PAX8: variants seen among roughly 807,000 people sequenced by gnomAD.
The protein encoded by PAX8 is paired box 8.
Under a neutral mutation model 52.4 loss-of-function variants are expected in PAX8, and 15 were observed. The ratio of observed to expected loss-of-function variants is 0.29; its 90% CI spans 0.19 to 0.44. PAX8 has a LOEUF of 0.44. Among genes scored for constraint, PAX8 ranks in the 20% least tolerant of loss-of-function variants. PAX8 has a pLI of 1.00. For missense variants in PAX8, 554 were observed against 602.5 expected (o/e 0.92, Z 0.84); for synonymous variants, 284 against 249.7 (o/e 1.14, Z -1.29).
At chr2:113,275,740 GTTT>G (rs1371090791) in intron 2 of PAX8, 1 of 152,160 alleles carries the variant, frequency 6.6e-6, no homozygotes, top group Non-Finnish European at 1.5e-5. Flanking sequence ...TTTTAAAAAT[GTTT>G]TTGCTTTAGA....
intron 2 of PAX8, among the ~76,000 whole-genome samples, chr2:113,252,876 C>A (rs1691892674): frequency 6.6e-6 from 1 of 152,202 alleles, no homozygotes; most frequent in Non-Finnish European, 1.5e-5. Flanking sequence ...CACCCCCTGA[C>A]CTCAAAATAC....
chr2:113,237,606 C>A (rs1690471408), intron 7 of PAX8: 1 of 152,186 alleles, frequency 6.6e-6, no homozygotes, highest in Admixed American at 6.5e-5. Flanking sequence ...ATTTTAGATG[C>A]CTCCTGGCCT....
At chr2:113,259,214 AT>A (rs1692484366) in intron 2 of PAX8, 1 of 152,734 alleles carries the variant, frequency 6.5e-6, no homozygotes, top group African/African-American at 2.4e-5. Flanking sequence ...TCCCTCTGAG[AT>A]TGGGCACCAT....
rs531419791 is a variant in PAX8, at chr2:113,278,891, G to A, written c.-136C>T. 9.5e-7 allele frequency: 1 copy of A among 1,053,942 alleles called. No individual in the cohort carries two copies. 65.3% of individuals were successfully genotyped at this position (1,053,942 alleles called of 1,614,324 possible). A position where few individuals can be genotyped will look rare whatever the true frequency, so the allele number is the denominator to read the frequency against. On this transcript the variant is annotated 5_prime_UTR_variant, in exon 1 of 12. Transcript: ENST00000429538. ...CCGCCCGCGAGGGTGCCCTGGGCCC[G>A]GTGTCTCTCCTCCTTCTGAAGTTTG...
chr2:113,258,589 A>G (rs1692433215), intron 2 of PAX8, among the ~76,000 whole-genome samples: 1 of 151,964 alleles, frequency 6.6e-6, no homozygotes, highest in African/African-American at 2.4e-5. Context: ...CAGGTTCTTT[A>G]TCCCATCTTC....
At chr2:113,277,447 G>T (rs563964752) in intron 2 of PAX8, among the ~76,000 whole-genome samples, 2 of 152,348 alleles carry the variant, frequency 1.3e-5, no homozygotes, top group East Asian at 3.9e-4. Flanking sequence ...TATTCGCGGA[G>T]AATTCATTCT....
chr2:113,226,939 A>C, intron 10 of PAX8: 1 of 1,462,002 alleles, frequency 6.8e-7, no homozygotes, highest in Non-Finnish European at 9.1e-7. Context: ...GCCTGGGAAG[A>C]AGGAGGCCGA....
chr2:113,238,713 G>A (rs1469693920), intron 7 of PAX8: 1 of 152,168 alleles, frequency 6.6e-6, no homozygotes, highest in African/African-American at 2.4e-5. Flanking sequence ...CTACTTGACT[G>A]CTCTGAACCT....
chr2:113,247,087 C>A (rs1427292259), intron 2 of PAX8, among the ~76,000 whole-genome samples, 168 bp from the exon 3 acceptor site: 2 of 152,238 alleles, frequency 1.3e-5, no homozygotes, highest in African/African-American at 4.8e-5. Context: ...AGTTCTCACT[C>A]CCAAGATGCT....
chr2:113,241,996 C>A lies in PAX8; in HGVS notation c.601+12G>T. On this transcript the variant is annotated intron_variant, in intron 6 of 11. Coordinates refer to ENST00000429538, the MANE Select transcript of PAX8 (RefSeq NM_003466.4). ...CGTGCACCGCCCGCTGCCCTCCTGT[C>A]CCAGCACTCACTGTCATCCATTTTC... 1 of 1,613,270 alleles carries A rather than the reference C, an allele frequency of 6.2e-7. No individual in the cohort carries two copies.
intron 2 of PAX8, chr2:113,269,212 C>T (rs984601301): frequency 3.9e-5 from 6 of 152,264 alleles, no homozygotes; most frequent in African/African-American, 1.4e-4. Context: ...AGCCCTGCCA[C>T]ATTTTGCCAC....
At chr2:113,254,039 A>C (rs1008382786) in intron 2 of PAX8, among the ~76,000 whole-genome samples, 6 of 152,224 alleles carry the variant, frequency 3.9e-5, no homozygotes, top group African/African-American at 1.2e-4. Flanking sequence ...GTGTTCAGTA[A>C]ACATGTCACA....
At chr2:113,237,401 T>A (rs1380054221) in intron 7 of PAX8, 1 of 152,194 alleles carries the variant, frequency 6.6e-6, no homozygotes, top group Non-Finnish European at 1.5e-5. Flanking sequence ...CAATTTTGTA[T>A]AGTGAAACAG....
chr2:113,269,980 GTAAGGTGAAC>G, intron 2 of PAX8: 1 of 152,296 alleles, frequency 6.6e-6, no homozygotes, highest in South Asian at 2.1e-4. Flanking sequence ...GGGTTTTCTG[GTAAGGTGAAC>G]TAAGGCATCC....
At chr2:113,269,953 G>C (rs1315652830) in intron 2 of PAX8, 2 of 152,168 alleles carry the variant, frequency 1.3e-5, no homozygotes, top group African/African-American at 4.8e-5. Context: ...CAAAAGCTTA[G>C]TGTTTTCCCT....
intron 10 of PAX8, 96 bp downstream of exon 10, chr2:113,227,059 T>C: frequency 1.3e-6 from 2 of 1,535,928 alleles, no homozygotes; most frequent in East Asian, 2.4e-5. Context: ...GGGAAGTCTA[T>C]GAATAGGGCA....
intron 2 of PAX8, chr2:113,268,062 T>A (rs1042316888): frequency 6.6e-6 from 1 of 152,386 alleles, no homozygotes; most frequent in Non-Finnish European, 1.5e-5. Flanking sequence ...TTGAGTGCCT[T>A]CCTGCTTCAC....
At chr2:113,233,691 A>AT (rs57359756) in intron 9 of PAX8, among the ~76,000 whole-genome samples, 1 of 151,030 alleles carries the variant, frequency 6.6e-6, no homozygotes, top group Non-Finnish European at 1.5e-5. Context: ...AAACAAAAAA[A>AT]CAAAAAAAAA....
chr2:113,244,493 C>T lies in PAX8; in HGVS notation c.323G>A (p.Arg108Gln), dbSNP rs1333860789. Residue 108 changes from arginine to glutamine, a missense_variant, in exon 4 of 12, where the codon CGA (arginine) becomes CAA (glutamine). Transcript: ENST00000429538. ...GACGCCCTCAGCCAGGAGCCGGTCTCGGATCTCCCAGGCAAACATGGTAGG... is the reference window on the plus strand; with the variant it reads ...GACGCCCTCAGCCAGGAGCCGGTCTTGGATCTCCCAGGCAAACATGGTAGG... ...QNPTMFAWEI[R>Q]DRLLAEGVCD... is the part of the protein sequence containing the mutation. The T allele has an allele frequency of 3.7e-6, 6 of 1,614,200 alleles. No individual in the cohort carries two copies. In the South Asian group the frequency reaches 4.4e-5, roughly 12 times the overall value.
Sources: allele counts gnomAD v4.1 joint callset (sites outside exome capture counted in the v4.1 genomes callset), GRCh38; gene constraint gnomAD v4.1.1; transcripts MANE v1.5; gene names NCBI Gene and HGNC (gene_info 2026-07-23, HGNC 2026-07-21).